Variants in SNX4 observed in about 807,000 individuals in gnomAD.
SNX4 encodes sorting nexin 4, also known as sorting nexin-4.
A neutral mutation model predicts 70.8 loss-of-function variants in SNX4; 49 were observed. The ratio of observed to expected loss-of-function variants is 0.69; its 90% CI spans 0.55 to 0.88. The LOEUF is 0.88. Ranked by LOEUF, SNX4 falls within the 40% of genes least tolerant of loss-of-function variation. SNX4 has a pLI of 0.00. For missense variants in SNX4, 528 were observed against 544.8 expected (o/e 0.97, Z 0.31); for synonymous variants, 206 against 183.8 (o/e 1.12, Z -0.98).
intron 1 of SNX4, among the ~76,000 whole-genome samples, chr3:125,519,286 T>C (rs569091219): frequency 1.2e-4 from 18 of 152,210 alleles, no homozygotes; most frequent in African/African-American, 4.1e-4. Flanking sequence ...CACTTACAAA[T>C]ATAAGATGAT....
At chr3:125,448,802 A>G (rs112712925) in intron 13 of SNX4, among the ~76,000 whole-genome samples, 24 of 150,810 alleles carry the variant, frequency 1.6e-4, no homozygotes, top group African/African-American at 5.4e-4. Context: ...CAGCCTCCCA[A>G]GTAGCTGGGA....
Position 125,497,390 on chromosome 3 carries a change from TA to T in SNX4, c.550-3del. The T allele has an allele frequency of 6.3e-7, 1 of 1,588,036 alleles. No homozygotes were observed. Among genetic ancestry groups the T allele is most frequent in the Non-Finnish European group, 8.6e-7 (1 of 1,157,946 alleles). On this transcript the variant is annotated splice_polypyrimidine_tract_variant and splice_region_variant and intron_variant, in intron 4 of 13. Transcript: ENST00000251775. ...CACAGTCTCCTTCCAGTTACCTTCC[TA>T]AAAATTGAAGTTAATTTTAGAAATC...
At chr3:125,460,729 G>C (rs1289069612) in intron 10 of SNX4, 42 bp downstream of exon 10, 1 of 981,624 alleles carries the variant, frequency 1.0e-6, no homozygotes, top group South Asian at 1.7e-5. Context: ...GGAGAGTGGT[G>C]AACAACCCTG....
chr3:125,474,325 T>C (rs1346779807), intron 8 of SNX4, among the ~76,000 whole-genome samples: 2 of 150,574 alleles, frequency 1.3e-5, no homozygotes, highest in Non-Finnish European at 2.9e-5. Context: ...TTTTTGTTTT[T>C]ATTTTTTTGA....
At chr3:125,504,552 C>A in intron 2 of SNX4, 71 bp downstream of exon 2, 1 of 1,397,138 alleles carries the variant, frequency 7.2e-7, no homozygotes, top group Non-Finnish European at 9.9e-7. Context: ...TGTTATACAG[C>A]AGAGTCTGCA....
intron 4 of SNX4, among the ~76,000 whole-genome samples, 183 bp from the exon 5 acceptor site, chr3:125,497,571 C>A (rs1934824954): frequency 1.3e-5 from 2 of 151,992 alleles, no homozygotes; most frequent in African/African-American, 4.8e-5. Context: ...CAAAGGTGAA[C>A]CCAAGATTTT....
At chr3:125,478,143 G>A (rs1249582368) in intron 7 of SNX4, among the ~76,000 whole-genome samples, 4 of 151,602 alleles carry the variant, frequency 2.6e-5, no homozygotes, top group African/African-American at 9.7e-5. Flanking sequence ...ACAGTGGCAC[G>A]ATCTCAGCTC....
Position 125,504,574 on chromosome 3 carries a change from C to G in SNX4, c.263+49G>C, listed in dbSNP as rs763371226. 24 of 1,563,314 alleles carry G rather than the reference C, an allele frequency of 1.5e-5. No homozygotes were observed. In the East Asian group the frequency reaches 5.2e-4, roughly 34 times the overall value. ...CAGCAGAGTCTGCATCAATAGCTAT[C>G]AGAAAAAGCTTTCTGTCTACCTGCC... is the stretch of plus-strand genomic sequence containing the variant. On this transcript the variant is annotated intron_variant, in intron 2 of 13. Transcript: ENST00000251775.
chr3:125,455,550 A>G (rs1933689760), intron 11 of SNX4, among the ~76,000 whole-genome samples: 1 of 152,210 alleles, frequency 6.6e-6, no homozygotes, highest in South Asian at 2.1e-4. Context: ...CATGTAGGAT[A>G]GAGAACCAAG....
At chr3:125,502,147 T>C (rs1934942542) in intron 2 of SNX4, among the ~76,000 whole-genome samples, 1 of 152,208 alleles carries the variant, frequency 6.6e-6, no homozygotes, top group Non-Finnish European at 1.5e-5. Context: ...TTCTAAAGTA[T>C]TATTTTTAAA....
At chr3:125,469,623 G>T in intron 8 of SNX4, 104 bp from the exon 9 acceptor site, 1 of 764,610 alleles carries the variant, frequency 1.3e-6, no homozygotes, top group Non-Finnish European at 2.2e-6. Flanking sequence ...TTAAAATAAT[G>T]TATAGCACCC....
At chr3:125,490,032 G>A (rs1579996911) in intron 5 of SNX4, among the ~76,000 whole-genome samples, 1 of 152,230 alleles carries the variant, frequency 6.6e-6, no homozygotes, top group East Asian at 1.9e-4. Context: ...GGGAGTCTGA[G>A]GCAGGAGAGT....
At chr3:125,483,638 G>C (rs1294587874) in intron 6 of SNX4, among the ~76,000 whole-genome samples, 1 of 152,164 alleles carries the variant, frequency 6.6e-6, no homozygotes, top group African/African-American at 2.4e-5. Context: ...TGTGAGGGGA[G>C]AGGAGTGACA....
At chr3:125,458,814 C>CAAAAAAAAAAAAAAAGAAAAAAAAAAAA (rs1933797587) in intron 10 of SNX4, among the ~76,000 whole-genome samples, 1 of 64,496 alleles carries the variant, frequency 1.6e-5, no homozygotes, top group Admixed American at 2.5e-4. Flanking sequence ...GACTCCGTCT[C>CAAAAAAAAAAAAAAAGAAAAAAAAAAAA]AAAAAAAAAA....
chr3:125,447,671 A>G lies in SNX4; in HGVS notation c.*108T>C, dbSNP rs982016640. On this transcript the variant is annotated 3_prime_UTR_variant, in exon 14 of 14. Coordinates refer to ENST00000251775, the MANE Select transcript of SNX4 (RefSeq NM_003794.4). ...AAGTTAAAGAAAGCTGAATTTATTT[A>G]ACTTATTGTATATGTTTATGTATAC... 45 of 686,382 alleles carry G rather than the reference A, an allele frequency of 6.6e-5. No individual in the cohort carries two copies. Among genetic ancestry groups the G allele is most frequent in the Non-Finnish European group, 1.0e-4 (42 of 407,136 alleles). 42.5% of individuals were successfully genotyped at this position (686,382 alleles called of 1,614,324 possible). A position where few individuals can be genotyped will look rare whatever the true frequency, so the allele number is the denominator to read the frequency against.
At chr3:125,488,765 A>G (rs1934590604) in intron 6 of SNX4, among the ~76,000 whole-genome samples, 1 of 152,226 alleles carries the variant, frequency 6.6e-6, no homozygotes, top group South Asian at 2.1e-4. Flanking sequence ...AAAAAGCCTC[A>G]TCTGCCTAAG....
chr3:125,486,259 T>C lies in SNX4; in HGVS notation c.653+3149A>G, dbSNP rs73859199. Among the ~76,000 whole-genome samples the C allele has an allele frequency of 8.0e-3, 1,226 of 152,300 alleles. 20 individuals carry two copies. The highest frequency in any genetic ancestry group is 0.028 in the African/African-American group (1,147 of 41,572). On this transcript the variant is annotated intron_variant, in intron 6 of 13. Transcript: ENST00000251775. ...CATAACAAAATGATATAACCTGATATTTAGAAGCTCGAGGAATAACCTCAA... is the reference window on the plus strand; with the variant it reads ...CATAACAAAATGATATAACCTGATACTTAGAAGCTCGAGGAATAACCTCAA...
At chr3:125,506,185 A>G (rs1935038722) in intron 1 of SNX4, among the ~76,000 whole-genome samples, 1 of 152,116 alleles carries the variant, frequency 6.6e-6, no homozygotes, top group African/African-American at 2.4e-5. Flanking sequence ...TTACATGCAA[A>G]TGCCTAGTTT....
At chr3:125,450,768 CAT>C (rs1933551059) in intron 13 of SNX4, among the ~76,000 whole-genome samples, 1 of 152,180 alleles carries the variant, frequency 6.6e-6, no homozygotes, top group African/African-American at 2.4e-5. Context: ...TATGAGGAAG[CAT>C]ATCATAACCA....
Sources: gnomAD v4.1 joint callset for allele counts (sites outside exome capture counted in the v4.1 genomes callset) on GRCh38, gnomAD v4.1.1 for gene constraint, MANE v1.5 for transcripts, NCBI Gene and HGNC (gene_info 2026-07-23, HGNC 2026-07-21) for gene names.